The following LAMA3 variants were observed in gnomAD, a reference collection of about 807,000 sequenced individuals.
LAMA3 encodes laminin subunit alpha-3.
A neutral mutation model predicts 402.0 loss-of-function variants in LAMA3; 281 were observed. That is an observed-to-expected ratio of 0.70 (90% CI 0.63 to 0.77). The LOEUF (loss-of-function observed/expected upper bound fraction) is 0.77, where lower values mean the gene tolerates loss of function less well. Ranked by LOEUF, LAMA3 falls within the 30% of genes least tolerant of loss-of-function variation. The pLI is 0.00. For missense variants in LAMA3, 3,840 were observed against 4,215.5 expected, an observed-to-expected ratio of 0.91 and a Z score of 2.47; for synonymous variants, 1,431 against 1,558.4, an observed-to-expected ratio of 0.92 and a Z score of 1.93.
intron 74 of LAMA3, among the ~76,000 whole-genome samples, chr18:23,954,291 A>G (rs1017396142): frequency 6.6e-6 from 1 of 151,234 alleles, no homozygotes; most frequent in African/African-American, 2.4e-5. Context: ...AGTCCTGGCT[A>G]CTTGGCAGAC....
At chr18:23,840,062 G>A in intron 27 of LAMA3, 133 bp downstream of exon 27, 2 of 967,558 alleles carry the variant, frequency 2.1e-6, no homozygotes, top group Non-Finnish European at 3.2e-6. Context: ...GAAGCTCTGG[G>A]GGTGGGCCCA....
chr18:23,787,353 A>G (rs1275929047), intron 12 of LAMA3, among the ~76,000 whole-genome samples: 1 of 152,186 alleles, frequency 6.6e-6, no homozygotes, highest in Non-Finnish European at 1.5e-5. Context: ...ATGGGTAATG[A>G]GAGCATCAGA....
At chr18:23,810,304 T>A (rs1354129199) in intron 12 of LAMA3, 62 bp from the exon 13 acceptor site, 1 of 1,588,640 alleles carries the variant, frequency 6.3e-7, no homozygotes, top group Non-Finnish European at 8.6e-7. Flanking sequence ...CTCCGGGACG[T>A]GGTTCTTCCC....
chr18:23,882,316 A>G (rs2064925623), intron 40 of LAMA3, among the ~76,000 whole-genome samples: 1 of 152,332 alleles, frequency 6.6e-6, no homozygotes, highest in Non-Finnish European at 1.5e-5. Flanking sequence ...ATTAAAATGA[A>G]CAAACACGAC....
intron 7 of LAMA3, among the ~76,000 whole-genome samples, chr18:23,761,153 CA>C (rs2061960036): frequency 6.6e-6 from 1 of 152,082 alleles, no homozygotes; most frequent in Non-Finnish European, 1.5e-5. Flanking sequence ...GCTATTTCCC[CA>C]TGTTTTCCCA....
intron 52 of LAMA3, among the ~76,000 whole-genome samples, chr18:23,906,198 G>A (rs980898337): frequency 6.6e-6 from 1 of 152,072 alleles, no homozygotes; most frequent in Non-Finnish European, 1.5e-5. Flanking sequence ...AGAGTGATAG[G>A]CCTATTTGGG....
chr18:23,717,423 A>G (rs926224178), intron 2 of LAMA3, among the ~76,000 whole-genome samples: 7 of 151,996 alleles, frequency 4.6e-5, no homozygotes, highest in East Asian at 3.9e-4. Flanking sequence ...GCTGTTGTCA[A>G]TTTGACAGCT....
intron 12 of LAMA3, among the ~76,000 whole-genome samples, chr18:23,799,627 G>T (rs879688919): frequency 3.3e-5 from 5 of 152,194 alleles, no homozygotes; most frequent in Non-Finnish European, 2.9e-5. Flanking sequence ...TGCCCGCATG[G>T]ATGTTTTCCT....
At chr18:23,697,639 T>C (rs2060707805) in intron 1 of LAMA3, among the ~76,000 whole-genome samples, 1 of 152,118 alleles carries the variant, frequency 6.6e-6, no homozygotes, top group Admixed American at 6.5e-5. Flanking sequence ...GCTTCCTGGA[T>C]TTTGGATTTT....
intron 62 of LAMA3, among the ~76,000 whole-genome samples, chr18:23,923,219 T>C (rs926373711): frequency 2.0e-5 from 3 of 151,988 alleles, no homozygotes; most frequent in Non-Finnish European, 2.9e-5. Context: ...TAAGGAGCCA[T>C]TGGAGGGACT....
intron 67 of LAMA3, among the ~76,000 whole-genome samples, chr18:23,937,304 T>G (rs1383909602): frequency 2.7e-5 from 4 of 146,656 alleles, no homozygotes; most frequent in African/African-American, 7.7e-5. Context: ...AGGTGGAGGT[T>G]GCAGTGAGCT....
chr18:23,850,971 G>A (rs1470050359), intron 32 of LAMA3, among the ~76,000 whole-genome samples: 1 of 152,248 alleles, frequency 6.6e-6, no homozygotes, highest in East Asian at 1.9e-4. Context: ...CAGAAGGGTA[G>A]TAGCCACAGG....
chr18:23,931,189 G>A lies in LAMA3; in HGVS notation c.8564G>A (p.Ser2855Asn). Residue 2855 changes from serine (S) to asparagine (N), a missense_variant, in exon 65 of 75, where the codon AGC (serine) becomes AAC (asparagine). Physicochemically the swap from Ser to Asn is conservative, Grantham distance 46. Coordinates refer to ENST00000313654, the MANE Select transcript of LAMA3 (RefSeq NM_198129.4). ...DGLLHYVSVISDNSGLRLLID... is the reference protein window; with the variant it reads ...DGLLHYVSVINDNSGLRLLID... ...TTACTGCATTATGTATCTGTAATAAGCGACAACTCTGGGTGAGTGGAATAA... is the reference window on the plus strand; with the variant it reads ...TTACTGCATTATGTATCTGTAATAAACGACAACTCTGGGTGAGTGGAATAA... The A allele has an allele frequency of 6.2e-7, 1 of 1,612,702 alleles. No individual in the cohort carries two copies. The highest frequency in any genetic ancestry group is 8.5e-7 in the Non-Finnish European group (1 of 1,178,676).
chr18:23,751,978 A>T (rs1459821351), intron 5 of LAMA3, among the ~76,000 whole-genome samples: 2 of 152,206 alleles, frequency 1.3e-5, no homozygotes. Flanking sequence ...GCAGATCTGG[A>T]GGGTGAATGG....
chr18:23,842,596 C>G lies in LAMA3; in HGVS notation c.3464-15C>G, dbSNP rs373410230. ...GTCCGGTGCATGACAGAAAGTCTCT[C>G]TCTCTCTCTGCCAGGCTCCTTCCAT... On this transcript the variant is annotated splice_polypyrimidine_tract_variant and intron_variant, in intron 28 of 74. Coordinates refer to ENST00000313654, the MANE Select transcript of LAMA3 (RefSeq NM_198129.4). 9.3e-6 allele frequency: 15 copies of G among 1,613,646 alleles called. No individual in the cohort carries two copies. The African/African-American group carries it at 1.7e-4, about 19-fold the overall frequency.
chr18:23,875,278 T>TG (rs2064670280), intron 38 of LAMA3, among the ~76,000 whole-genome samples: 1 of 152,180 alleles, frequency 6.6e-6, no homozygotes, highest in Admixed American at 6.5e-5. Context: ...TAAGAAGAAT[T>TG]GTTTTTTTTC....
intron 35 of LAMA3, among the ~76,000 whole-genome samples, chr18:23,862,279 CACATAGTT>C: frequency 6.6e-6 from 1 of 152,310 alleles, no homozygotes; most frequent in East Asian, 1.9e-4. Context: ...TAAGTAGAAT[CACATAGTT>C]ACACACTCCT....
At chr18:23,927,732 T>C (rs757190045) in intron 62 of LAMA3, among the ~76,000 whole-genome samples, 13 of 152,212 alleles carry the variant, frequency 8.5e-5, no homozygotes, top group Non-Finnish European at 1.6e-4. Flanking sequence ...TTTATTACTT[T>C]ATTAATATAT....
Position 23,846,409 on chromosome 18 carries a change from T to G in LAMA3, c.3832T>G (p.Cys1278Gly). The G allele has an allele frequency of 6.2e-7, 1 of 1,614,062 alleles. No homozygotes were observed. Residue 1278 changes from cysteine (C) to glycine (G), a missense_variant, in exon 31 of 75, where the codon TGC (cysteine) becomes GGC (glycine). Transcript: ENST00000313654. ...CCCCACTGGGGCCACCGGCCCTCAC[T>G]GCAGCCCTGAGGGTGGGCAGTGCCC... ...CHPTGATGPH[C>G]SPEGGQCPCQ...
Sources: gnomAD v4.1 joint callset for allele counts (sites outside exome capture counted in the v4.1 genomes callset) on GRCh38, gnomAD v4.1.1 for gene constraint, MANE v1.5 for transcripts, NCBI Gene and HGNC (gene_info 2026-07-23, HGNC 2026-07-21) for gene names.